EPC1: variants seen among roughly 807,000 people sequenced by gnomAD.
EPC1 encodes enhancer of polycomb homolog 1.
Under a neutral mutation model 98.4 loss-of-function variants are expected in EPC1, and 12 were observed. The ratio of observed to expected loss-of-function variants is 0.12; its 90% CI spans 0.08 to 0.20. The LOEUF is 0.20. EPC1 is among the 10% of genes least tolerant of loss of function. The probability of loss-of-function intolerance (pLI) is 1.00; values close to 1 mark genes in which losing one functional copy is unlikely to be tolerated. For missense variants in EPC1, 729 were observed against 990.5 expected, an observed-to-expected ratio of 0.74 and a Z score of 3.54; for synonymous variants, 357 against 363.9, an observed-to-expected ratio of 0.98 and a Z score of 0.21.
At chr10:32,276,856 A>G (rs1274164987) in intron 10 of EPC1, among the ~76,000 whole-genome samples, 1 of 152,216 alleles carries the variant, frequency 6.6e-6, no homozygotes, top group Admixed American at 6.5e-5. Context: ...ACCTCCTGAT[A>G]TGGTATGAGA....
rs750325958 is a variant in EPC1, at chr10:32,305,721, CATA to C, written c.313+48_313+50del. On this transcript the variant is annotated intron_variant, in intron 2 of 13. Coordinates refer to ENST00000319778, the MANE Select transcript of EPC1 (RefSeq NM_001272004.3). ...GAAGAGATAAAAATCTGTCAAGTTA[CATA>C]ATAAGAGAAATATAGAAAATACAAT... is the stretch of plus-strand genomic sequence containing the variant. 497 of 1,446,776 alleles carry C rather than the reference CATA, an allele frequency of 3.4e-4. 4 individuals carry two copies. Among genetic ancestry groups the C allele is most frequent in the Middle Eastern group, 1.6e-3 (9 of 5,498 alleles). 89.6% of individuals were successfully genotyped at this position (1,446,776 alleles called of 1,614,324 possible).
intron 6 of EPC1, 128 bp downstream of exon 6, chr10:32,291,035 C>T: frequency 1.2e-6 from 1 of 802,744 alleles, no homozygotes; most frequent in East Asian, 2.8e-5. Flanking sequence ...CCTCCGTGTC[C>T]CGAAGTGCTG....
rs550199204 is a variant in EPC1 at position 32,338,490 on chromosome 10, A to G, written c.153+8273T>C. ...CGCTAATAGCTTACTTCATTTCAAC[A>G]CAGTCAAAACTTCTCATGGTAGCCT... On this transcript the variant is annotated intron_variant, in intron 1 of 13. Transcript: ENST00000319778. Among the ~76,000 whole-genome samples the G allele has an allele frequency of 4.6e-5, 7 of 152,286 alleles. No individual in the cohort carries two copies. In the East Asian group the frequency reaches 1.4e-3, roughly 29 times the overall value.
chr10:32,327,404 T>A (rs1048324213), intron 1 of EPC1, among the ~76,000 whole-genome samples: 2 of 152,184 alleles, frequency 1.3e-5, no homozygotes, highest in Non-Finnish European at 2.9e-5. Flanking sequence ...GAGTGACTAT[T>A]GCTAACGACA....
Position 32,267,891 on chromosome 10 carries a change from G to C in EPC1, c.*1172C>G, listed in dbSNP as rs1436466270. ...CTTCGGTACTGACAAAGCACTAGTAGTAGTCTGTTAAGTACCATTCTCTTC... is the reference window on the plus strand; with the variant it reads ...CTTCGGTACTGACAAAGCACTAGTACTAGTCTGTTAAGTACCATTCTCTTC... On this transcript the variant is annotated 3_prime_UTR_variant, in exon 14 of 14. Coordinates refer to ENST00000319778, the MANE Select transcript of EPC1 (RefSeq NM_001272004.3). The C allele has an allele frequency of 1.3e-5, 2 of 152,166 alleles. No homozygotes were observed. Among genetic ancestry groups the C allele is most frequent in the African/African-American group, 4.8e-5 (2 of 41,438 alleles). The allele number at this position is 152,166 out of a possible 1,614,324, so 9.4% of individuals were successfully genotyped here. A position where few individuals can be genotyped will look rare whatever the true frequency, so the allele number is the denominator to read the frequency against.
intron 1 of EPC1, among the ~76,000 whole-genome samples, chr10:32,370,803 C>G (rs1272279474): frequency 6.6e-6 from 1 of 152,158 alleles, no homozygotes; most frequent in Non-Finnish European, 1.5e-5. Context: ...TAAGTTAATT[C>G]AAATAGCCAC....
chr10:32,290,483 C>CAAAGAAAAAAAAAAAAAA (rs1836935766), intron 6 of EPC1, among the ~76,000 whole-genome samples: 1 of 40,160 alleles, frequency 2.5e-5, no homozygotes, highest in African/African-American at 1.3e-4. Flanking sequence ...AAGACTCTGT[C>CAAAGAAAAAAAAAAAAAA]AAAAAAAAAA....
chr10:32,294,651 T>C (rs1835043938), intron 2 of EPC1, among the ~76,000 whole-genome samples: 1 of 152,248 alleles, frequency 6.6e-6, no homozygotes, highest in South Asian at 2.1e-4. Flanking sequence ...ATCTTAGATC[T>C]GCAAGAACCG....
At position 32,345,394 on chromosome 10, in the gene EPC1, T is replaced by C. The variant is rs1373720105; in HGVS notation, c.153+1369A>G. ...AACCCAAAGAGTTTAAACAGTTTTA[T>C]TTCCAAAAACAACATTACAGAGCAT... On this transcript the variant is annotated intron_variant, in intron 1 of 13. Coordinates refer to ENST00000319778, the MANE Select transcript of EPC1 (RefSeq NM_001272004.3). 1.0e-5 allele frequency: 10 copies of C among 985,314 alleles called. No individual in the cohort carries two copies. In the East Asian group the frequency reaches 6.8e-4, roughly 67 times the overall value. 61.0% of individuals were successfully genotyped at this position (985,314 alleles called of 1,614,324 possible).
chr10:32,303,033 G>A (rs1386783458), intron 2 of EPC1, among the ~76,000 whole-genome samples: 1 of 152,194 alleles, frequency 6.6e-6, no homozygotes. Context: ...GCTGGGCGCA[G>A]TGGCTCATGT....
At chr10:32,273,389 T>C in intron 10 of EPC1, 108 bp from the exon 11 acceptor site, 4 of 1,356,706 alleles carry the variant, frequency 2.9e-6, no homozygotes, top group Non-Finnish European at 3.9e-6. Flanking sequence ...TTGAAGCATC[T>C]GACAAAGGAT....
intron 1 of EPC1, among the ~76,000 whole-genome samples, chr10:32,375,468 G>T (rs899631845): frequency 6.6e-6 from 1 of 151,914 alleles, no homozygotes; most frequent in Non-Finnish European, 1.5e-5. Flanking sequence ...AATTGTGTTG[G>T]TTCATTACAT....
chr10:32,338,642 G>C (rs1400028572), intron 1 of EPC1, among the ~76,000 whole-genome samples: 1 of 152,066 alleles, frequency 6.6e-6, no homozygotes, highest in Non-Finnish European at 1.5e-5. Flanking sequence ...GCACCTGTAG[G>C]TCTCTCTGGA....
chr10:32,303,646 G>A (rs1835705416), intron 2 of EPC1, among the ~76,000 whole-genome samples: 1 of 152,198 alleles, frequency 6.6e-6, no homozygotes. Context: ...GATGGGGAGA[G>A]GCAGGGATAT....
At chr10:32,338,020 T>C (rs11008887) in intron 1 of EPC1, among the ~76,000 whole-genome samples, 19,001 of 152,286 alleles carry the variant, frequency 0.12, 1,231 homozygotes, top group Admixed American at 0.14. Flanking sequence ...ATTCATAAGC[T>C]GAAGACTCTC....
intron 1 of EPC1, among the ~76,000 whole-genome samples, chr10:32,373,977 G>A (rs1217242081): frequency 1.3e-5 from 2 of 152,146 alleles, no homozygotes; most frequent in African/African-American, 2.4e-5. Flanking sequence ...TTAATTGGCT[G>A]TATGACACAA....
chr10:32,303,269 T>C (rs1564535567), intron 2 of EPC1, among the ~76,000 whole-genome samples: 2 of 152,272 alleles, frequency 1.3e-5, no homozygotes, highest in East Asian at 1.9e-4. Flanking sequence ...ACCACTGCAC[T>C]CCAGCCTGGG....
intron 13 of EPC1, 79 bp downstream of exon 13, chr10:32,271,471 CAAAG>C: frequency 7.0e-7 from 1 of 1,429,590 alleles, no homozygotes; most frequent in South Asian, 1.4e-5. Flanking sequence ...ACAAGAAACA[CAAAG>C]AAATAGGTAA....
chr10:32,288,316 T>C (rs961357983), intron 6 of EPC1, among the ~76,000 whole-genome samples: 28 of 115,364 alleles, frequency 2.4e-4, no homozygotes, highest in East Asian at 5.9e-4. Flanking sequence ...TTTTTTCTTT[T>C]TTTTTTTTTT....
Sources: allele counts gnomAD v4.1 joint callset (sites outside exome capture counted in the v4.1 genomes callset), GRCh38; gene constraint gnomAD v4.1.1; transcripts MANE v1.5; gene names NCBI Gene and HGNC (gene_info 2026-07-23, HGNC 2026-07-21).